Variants in SRRM4 observed in about 807,000 individuals in gnomAD.
SRRM4 encodes serine/arginine repetitive matrix protein 4.
SRRM4 carries 33 observed loss-of-function variants against 68.9 expected under a neutral mutation model. That is an observed-to-expected ratio of 0.48 (90% confidence interval 0.36 to 0.64). SRRM4 has a LOEUF of 0.64. Ranked by LOEUF, SRRM4 falls within the 30% of genes least tolerant of loss-of-function variation. The pLI is 0.00. For missense variants in SRRM4, 817 were observed against 827.1 expected, an observed-to-expected ratio of 0.99 and a Z score of 0.15; for synonymous variants, 318 against 318.8, an observed-to-expected ratio of 1.00 and a Z score of 0.03.
At chr12:118,994,471 G>T (rs921170454) in intron 1 of SRRM4, among the ~76,000 whole-genome samples, 1 of 152,098 alleles carries the variant, frequency 6.6e-6, no homozygotes, top group African/African-American at 2.4e-5. Context: ...CCCTACTCTA[G>T]TTCTTAAAAG....
chr12:119,040,355 C>T (rs1402459376), intron 1 of SRRM4, among the ~76,000 whole-genome samples: 2 of 152,174 alleles, frequency 1.3e-5, no homozygotes. Flanking sequence ...GTCCCTTCCA[C>T]TCTTCCCCCC....
chr12:119,131,474 G>C (rs1954296967), intron 8 of SRRM4, among the ~76,000 whole-genome samples: 1 of 152,160 alleles, frequency 6.6e-6, no homozygotes, highest in Non-Finnish European at 1.5e-5. Context: ...CTGGGGTAAA[G>C]CCCCAGAGCA....
chr12:119,117,952 G>A (rs1954192225), intron 4 of SRRM4, among the ~76,000 whole-genome samples: 1 of 152,118 alleles, frequency 6.6e-6, no homozygotes, highest in Admixed American at 6.6e-5. Context: ...ATATACAACA[G>A]AGGGCTCAGG....
rs1214334860 is a variant in SRRM4, at chr12:119,156,722, G to C, written c.1760G>C (p.Ser587Thr). 8.4e-6 allele frequency: 13 copies of C among 1,545,118 alleles called. No individual in the cohort carries two copies. The highest frequency in any genetic ancestry group is 9.6e-6 in the Non-Finnish European group (11 of 1,145,448). The change falls in exon 13 of 13, where the codon AGC becomes ACC. Residue 587 changes from serine (S) to threonine (T), a missense_variant. By Grantham distance (58) the Ser-to-Thr change is moderately conservative. Coordinates refer to ENST00000267260, the MANE Select transcript of SRRM4 (RefSeq NM_194286.4). ...PGSRSRSRSR[S>T]RSRSRSRSQS... is the part of the protein sequence containing the mutation. ...TCCCGCAGCCGGAGCCGGAGCAGGAGCCGGAGCCGGAGCCGGAGCAGGAGC... is the reference window on the plus strand; with the variant it reads ...TCCCGCAGCCGGAGCCGGAGCAGGACCCGGAGCCGGAGCCGGAGCAGGAGC...
intron 1 of SRRM4, among the ~76,000 whole-genome samples, chr12:118,982,668 TGTTTTTTTTTG>T (rs1358067359): frequency 1.5e-4 from 13 of 85,546 alleles, no homozygotes; most frequent in East Asian, 9.5e-4. Flanking sequence ...AGTTTTATTT[TGTTTTTTTTTG>T]TTTTTTTTTT....
At chr12:119,115,972 A>G (rs1954177345) in intron 3 of SRRM4, among the ~76,000 whole-genome samples, 1 of 152,112 alleles carries the variant, frequency 6.6e-6, no homozygotes, top group African/African-American at 2.4e-5. Context: ...CAGGTGCTGT[A>G]GAAGCCCAGA....
intron 1 of SRRM4, among the ~76,000 whole-genome samples, chr12:118,997,681 C>T (rs1220328792): frequency 6.6e-6 from 1 of 152,196 alleles, no homozygotes; most frequent in Non-Finnish European, 1.5e-5. Flanking sequence ...AACCCATGGC[C>T]TGCTTAAATG....
chr12:119,077,184 G>A (rs1182823664), intron 1 of SRRM4, among the ~76,000 whole-genome samples: 1 of 152,152 alleles, frequency 6.6e-6, no homozygotes, highest in East Asian at 1.9e-4. Flanking sequence ...CCTACAGAAT[G>A]GCAATAAAAT....
intron 8 of SRRM4, among the ~76,000 whole-genome samples, chr12:119,137,652 C>G (rs1188078983): frequency 2.1e-5 from 3 of 146,048 alleles, no homozygotes; most frequent in African/African-American, 7.8e-5. Flanking sequence ...TGGAGCTTCA[C>G]ATTGGAAGGG....
intron 7 of SRRM4, among the ~76,000 whole-genome samples, chr12:119,130,461 G>A (rs561328618): frequency 2.6e-4 from 40 of 152,186 alleles, no homozygotes; most frequent in African/African-American, 9.4e-4. Context: ...ATGGATGAAT[G>A]GATGGTTAAA....
intron 1 of SRRM4, among the ~76,000 whole-genome samples, chr12:119,079,204 G>A (rs1300537559): frequency 1.3e-5 from 2 of 152,098 alleles, no homozygotes; most frequent in Non-Finnish European, 1.5e-5. Flanking sequence ...CTATCAGGTT[G>A]GTATTCTTGG....
intron 1 of SRRM4, among the ~76,000 whole-genome samples, chr12:118,984,223 C>G (rs1953267569): frequency 6.6e-6 from 1 of 152,208 alleles, no homozygotes; most frequent in Non-Finnish European, 1.5e-5. Context: ...CCAAGCCAGC[C>G]ACATCCAGTG....
rs1953602230 is a variant in SRRM4, at chr12:119,033,071, T to C, written c.131+51058T>C. Among the ~76,000 whole-genome samples the C allele has an allele frequency of 2.0e-5, 3 of 152,306 alleles. No individual in the cohort carries two copies. The South Asian group carries it at 6.2e-4, about 32-fold the overall frequency. ...TTTTTCAAGATCCAGTTTTTATATGTATATATCCATCCCATTAGCTTTCAA... is the reference window on the plus strand; with the variant it reads ...TTTTTCAAGATCCAGTTTTTATATGCATATATCCATCCCATTAGCTTTCAA... On this transcript the variant is annotated intron_variant, in intron 1 of 12. Coordinates refer to ENST00000267260, the MANE Select transcript of SRRM4 (RefSeq NM_194286.4).
At chr12:119,138,518 G>A (rs1663731443) in intron 8 of SRRM4, among the ~76,000 whole-genome samples, 1 of 152,088 alleles carries the variant, frequency 6.6e-6, no homozygotes, top group South Asian at 2.1e-4. Context: ...TTGAGTGATG[G>A]GGAACTGGTG....
At position 119,145,284 on chromosome 12, in the gene SRRM4, G is replaced by A. The variant is rs901086455; in HGVS notation, c.772-97G>A. 15 of 1,014,252 alleles carry A rather than the reference G, an allele frequency of 1.5e-5. No homozygotes were observed. The Admixed American group carries it at 1.6e-4, about 11-fold the overall frequency. The allele number at this position is 1,014,252 out of a possible 1,614,324, so 62.8% of individuals were successfully genotyped here. On this transcript the variant is annotated intron_variant, in intron 8 of 12. Coordinates refer to ENST00000267260, the MANE Select transcript of SRRM4 (RefSeq NM_194286.4). ...TTCTCCTCTCTCTCTCTTTCCTTTC[G>A]TTACAGTGCATCATGACGGTAAACA... is the stretch of plus-strand genomic sequence containing the variant.
chr12:119,125,712 G>A (rs1166662301), intron 7 of SRRM4, among the ~76,000 whole-genome samples: 2 of 151,916 alleles, frequency 1.3e-5, no homozygotes, highest in Non-Finnish European at 2.9e-5. Flanking sequence ...ATGAGATCAG[G>A]AGTTCAAGAC....
Position 118,996,798 on chromosome 12 carries a change from C to G in SRRM4, c.131+14785C>G, listed in dbSNP as rs115514486. On this transcript the variant is annotated intron_variant, in intron 1 of 12. Transcript: ENST00000267260. ...GGCATGCTTGCTTCCACAGTTTTCT[C>G]TTTCATAAAACTTTTCCCAGAGTCA... Among the ~76,000 whole-genome samples the G allele has an allele frequency of 4.5e-3, 691 of 152,320 alleles. 9 individuals are homozygous for G. The highest frequency in any genetic ancestry group is 0.016 in the African/African-American group (649 of 41,554).
rs1344221032 is a variant in SRRM4, at chr12:119,008,407, C to T, written c.131+26394C>T. Among the ~76,000 whole-genome samples, 3 of 151,456 alleles carry T rather than the reference C, an allele frequency of 2.0e-5. No homozygotes were observed. The East Asian group carries it at 5.8e-4, about 29-fold the overall frequency. On this transcript the variant is annotated intron_variant, in intron 1 of 12. Coordinates refer to ENST00000267260, the MANE Select transcript of SRRM4 (RefSeq NM_194286.4). The stretch of plus-strand genomic sequence containing the variant: ...TAAAAAGATTAATGTTATCTAATAT[C>T]TATTCAAATTTTCTGATCTCTACTC...
chr12:118,992,506 T>A (rs748084558), intron 1 of SRRM4, among the ~76,000 whole-genome samples: 1 of 152,204 alleles, frequency 6.6e-6, no homozygotes, highest in Non-Finnish European at 1.5e-5. Flanking sequence ...GTTTGGCCAG[T>A]GTTTTGCCCC....
Sources: allele counts gnomAD v4.1 joint callset (sites outside exome capture counted in the v4.1 genomes callset), GRCh38; gene constraint gnomAD v4.1.1; transcripts MANE v1.5; gene names NCBI Gene and HGNC (gene_info 2026-07-23, HGNC 2026-07-21).